HEATR4: variants seen among roughly 807,000 people sequenced by gnomAD.
The protein encoded by HEATR4 is HEAT repeat containing 4, also known as HEAT repeat-containing protein 4.
Under a neutral mutation model 108.8 loss-of-function variants are expected in HEATR4, and 95 were observed. The ratio of observed to expected loss-of-function variants is 0.87; its 90% confidence interval spans 0.74 to 1.04. The LOEUF (loss-of-function observed/expected upper bound fraction) is 1.04, where lower values mean the gene tolerates loss of function less well. Among genes scored for constraint, HEATR4 ranks in the 50% least tolerant of loss-of-function variants. The probability of loss-of-function intolerance (pLI) is 0.00; values close to 1 mark genes in which losing one functional copy is unlikely to be tolerated. For synonymous variants in HEATR4, 443 were observed against 459.4 expected (o/e 0.96, Z 0.46); for missense variants, 1,152 against 1,253.8 (o/e 0.92, Z 1.23).
chr14:73,567,340 G>A, the HEATR4 span, among the ~76,000 whole-genome samples: 2 of 152,096 alleles, frequency 1.3e-5, no homozygotes, highest in Non-Finnish European at 2.9e-5. Context: ...ACTATTGAGA[G>A]GTGAAGACCG....
the HEATR4 span, chr14:73,592,362 C>G: frequency 2.5e-6 from 4 of 1,580,984 alleles, no homozygotes; most frequent in Non-Finnish European, 3.4e-6. Flanking sequence ...GCCAGGGGTG[C>G]GGCGCCAGTC....
intron 2 of HEATR4, among the ~76,000 whole-genome samples, chr14:73,527,605 A>G (rs1888414471): frequency 1.3e-5 from 2 of 152,006 alleles, no homozygotes; most frequent in South Asian, 4.2e-4. Flanking sequence ...TTGACTAAAA[A>G]ATGCATTGGA....
chr14:73,570,719 A>C, the HEATR4 span, among the ~76,000 whole-genome samples: 2 of 152,076 alleles, frequency 1.3e-5, no homozygotes, highest in East Asian at 3.9e-4. Context: ...AGCCTGGCCA[A>C]CATGGTGAAA....
At chr14:73,569,253 C>A in the HEATR4 span, 5 of 1,613,660 alleles carry the variant, frequency 3.1e-6, no homozygotes, top group East Asian at 1.1e-4. Flanking sequence ...GTCTAACAAG[C>A]TTCTTTCTCC....
At position 73,522,426 on chromosome 14, in the gene HEATR4, A is replaced by G. The variant is rs1271132639; in HGVS notation, c.727T>C (p.Trp243Arg). ...WQSFLRQQYD[W>R]SHIRDELTSA... Reference sequence around the variant, plus strand: ...GTAAGCTCATCCCGAATGTGACTCCAGTCGTACTGCTGGCGCAGGAAGCTC... The same window carrying G: ...GTAAGCTCATCCCGAATGTGACTCCGGTCGTACTGCTGGCGCAGGAAGCTC... Residue 243 changes from tryptophan (W) to arginine (R), a missense_variant, in exon 3 of 18, where the codon TGG becomes CGG. Trp to Arg is a moderately radical substitution (Grantham distance 101). Coordinates refer to ENST00000553558, the MANE Select transcript of HEATR4 (RefSeq NM_001220484.1). 6.2e-7 allele frequency: 1 copy of G among 1,614,244 alleles called. No homozygotes were observed. Among genetic ancestry groups the G allele is most frequent in the East Asian group, 2.2e-5 (1 of 44,886 alleles).
At chr14:73,592,229 T>A in the HEATR4 span, 4 of 1,613,078 alleles carry the variant, frequency 2.5e-6, no homozygotes, top group Non-Finnish European at 3.4e-6. Flanking sequence ...AGAAGCCTTT[T>A]TGGCGCTTCC....
Position 73,509,367 on chromosome 14 carries a change from G to C in HEATR4, c.1665C>G (p.Ala555=), listed in dbSNP as rs1887057092. ...VRMAAAICQY[A]IQSHNPLARN... ...GGGCAAGGGGATTATGTGACTGTAT[G>C]GCATATTGGCATATTGCTGCTGCCA... The change falls in exon 8 of 18, where the codon GCC becomes GCG. Residue 555 remains alanine (A), a synonymous_variant. Transcript: ENST00000553558. 1 of 1,613,960 alleles carries C rather than the reference G, an allele frequency of 6.2e-7. No individual in the cohort carries two copies. Among genetic ancestry groups the C allele is most frequent in the South Asian group, 1.1e-5 (1 of 91,058 alleles).
chr14:73,557,397 G>A lies in HEATR4; in HGVS notation c.-152+1354C>T, dbSNP rs1458907069. Among the ~76,000 whole-genome samples the A allele has an allele frequency of 2.9e-5, 3 of 105,198 alleles. 1 individual carries two copies. The highest frequency in any genetic ancestry group is 6.1e-5 in the Non-Finnish European group (3 of 48,966). The allele number at this position is 105,198 out of a possible 152,430, so 69.0% of individuals were successfully genotyped here. A position where few individuals can be genotyped will look rare whatever the true frequency, so the allele number is the denominator to read the frequency against. ...CCACTTTTCTGTTTGCTTATCAGTC[G>A]CTTACCCTCACCCTCTGGTCTGATA... is the stretch of plus-strand genomic sequence containing the variant. On this transcript the variant is annotated intron_variant, in intron 1 of 17. Transcript: ENST00000553558.
the HEATR4 span, among the ~76,000 whole-genome samples, chr14:73,618,168 G>A: frequency 2.0e-5 from 3 of 151,738 alleles, no homozygotes; most frequent in African/African-American, 4.8e-5. Context: ...CAACAACAAC[G>A]ACAACAAATT....
chr14:73,478,736 G>A lies in HEATR4; in HGVS notation c.2951C>T (p.Pro984Leu). 1 of 1,614,036 alleles carries A rather than the reference G, an allele frequency of 6.2e-7. No individual in the cohort carries two copies. The highest frequency in any genetic ancestry group is 1.1e-5 in the South Asian group (1 of 91,050). Residue 984 changes from proline to leucine, a missense_variant, in exon 18 of 18, where the codon CCC becomes CTC. Physicochemically the swap from Pro to Leu is moderately conservative, Grantham distance 98. Coordinates refer to ENST00000553558, the MANE Select transcript of HEATR4 (RefSeq NM_001220484.1). ...SSLVKDLRTS[P>L]EKRIAVGPFR... ...TGGTCCCACAGCAATCCTTTTCTCG[G>A]GGGAGGTGCGTAGATCTTTGACAAG...
intron 17 of HEATR4, chr14:73,491,559 G>A: frequency 6.5e-7 from 1 of 1,539,384 alleles, no homozygotes; most frequent in South Asian, 1.2e-5. Context: ...GAGCCGGCCT[G>A]GGACTCCCCG....
At chr14:73,594,673 GTTATTTATTTAT>G in the HEATR4 span, among the ~76,000 whole-genome samples, 435 of 147,230 alleles carry the variant, frequency 3.0e-3, 1 homozygote, top group African/African-American at 9.9e-3. Flanking sequence ...CATTGGATAA[GTTATTTATTTAT>G]TTATTTATTT....
the HEATR4 span, among the ~76,000 whole-genome samples, chr14:73,632,905 C>A: frequency 6.7e-6 from 1 of 148,852 alleles, no homozygotes; most frequent in Admixed American, 6.7e-5. Flanking sequence ...CTTCTGCATA[C>A]AAAAAATATA....
intron 1 of HEATR4, among the ~76,000 whole-genome samples, chr14:73,558,486 G>A (rs1266552006): frequency 7.6e-6 from 1 of 131,944 alleles, no homozygotes; most frequent in Non-Finnish European, 1.6e-5. Flanking sequence ...TGGGAGCATA[G>A]GCACATAGCA....
At chr14:73,479,806 A>G (rs934964775) in intron 17 of HEATR4, among the ~76,000 whole-genome samples, 2 of 150,628 alleles carry the variant, frequency 1.3e-5, no homozygotes, top group Non-Finnish European at 3.0e-5. Flanking sequence ...TGAACTCCTG[A>G]CCTCATGATC....
At chr14:73,586,432 C>CA in the HEATR4 span, among the ~76,000 whole-genome samples, 3 of 151,050 alleles carry the variant, frequency 2.0e-5, no homozygotes, top group South Asian at 2.1e-4. Flanking sequence ...AGGCCAGGCT[C>CA]AGTGGTTCAT....
the HEATR4 span, among the ~76,000 whole-genome samples, chr14:73,615,393 A>T: frequency 9.3e-6 from 1 of 106,972 alleles, no homozygotes; most frequent in East Asian, 5.5e-4. Flanking sequence ...TCTGATAAAA[A>T]AAAAAAAAAA....
At chr14:73,613,039 TGCCCAGAATTTGGTCGA>T in the HEATR4 span, 1 of 773,640 alleles carries the variant, frequency 1.3e-6, no homozygotes, top group East Asian at 3.3e-5. Flanking sequence ...ATGAGTAGTC[TGCCCAGAATTTGGTCGA>T]GCTCTGCGAC....
At chr14:73,499,209 G>T in intron 12 of HEATR4, 69 bp from the exon 13 acceptor site, 1 of 1,305,690 alleles carries the variant, frequency 7.7e-7, no homozygotes, top group Non-Finnish European at 1.1e-6. Flanking sequence ...AGCTGGGTGC[G>T]GTGGTGCACC....
Sources: gnomAD v4.1 joint callset for allele counts (sites outside exome capture counted in the v4.1 genomes callset) on GRCh38, gnomAD v4.1.1 for gene constraint, MANE v1.5 for transcripts, NCBI Gene and HGNC (gene_info 2026-07-23, HGNC 2026-07-21) for gene names.